Variants in ADCY2 observed in about 807,000 individuals in gnomAD.
The protein encoded by ADCY2 is adenylate cyclase type 2.
A neutral mutation model predicts 125.2 loss-of-function variants in ADCY2; 31 were observed. The ratio of observed to expected loss-of-function variants is 0.25; its 90% CI spans 0.19 to 0.33. The LOEUF is 0.33. ADCY2 is among the 10% of genes least tolerant of loss of function. The pLI, the probability that ADCY2 is intolerant of heterozygous loss-of-function variation, is 1.00. For missense variants in ADCY2, 904 were observed against 1,418.2 expected, an observed-to-expected ratio of 0.64 and a Z score of 5.82; for synonymous variants, 512 against 548.4, an observed-to-expected ratio of 0.93 and a Z score of 0.93.
At chr5:7,539,926 C>T (rs1455434483) in intron 3 of ADCY2, among the ~76,000 whole-genome samples, 9 of 152,220 alleles carry the variant, frequency 5.9e-5, no homozygotes, top group Non-Finnish European at 1.2e-4. Flanking sequence ...GTCCTTGACT[C>T]TCTGCTGTTA....
At chr5:7,551,279 C>G (rs1218657494) in intron 3 of ADCY2, among the ~76,000 whole-genome samples, 1 of 152,102 alleles carries the variant, frequency 6.6e-6, no homozygotes, top group Non-Finnish European at 1.5e-5. Flanking sequence ...ATTCTGAGTT[C>G]ATGACAGTTA....
intron 3 of ADCY2, among the ~76,000 whole-genome samples, chr5:7,616,105 G>C (rs949214116): frequency 1.3e-5 from 2 of 152,056 alleles, no homozygotes; most frequent in Admixed American, 6.6e-5. Flanking sequence ...ATTTCGTTTA[G>C]TCTAGTAACA....
chr5:7,699,070 C>CAACAGTAA (rs200448617), intron 7 of ADCY2, among the ~76,000 whole-genome samples: 27,858 of 111,914 alleles, frequency 0.25, 4,612 homozygotes, highest in East Asian at 0.77. Context: ...AGTCAGGAAA[C>CAACAGTAA]AACAGTAAGC....
At chr5:7,581,384 A>G (rs1471282192) in intron 3 of ADCY2, among the ~76,000 whole-genome samples, 1 of 152,206 alleles carries the variant, frequency 6.6e-6, no homozygotes, top group Non-Finnish European at 1.5e-5. Flanking sequence ...GGATTCTCAT[A>G]TTAGGTGTAC....
chr5:7,535,649 A>G (rs1022673105), intron 3 of ADCY2, among the ~76,000 whole-genome samples: 5 of 152,172 alleles, frequency 3.3e-5, no homozygotes, highest in Admixed American at 3.3e-4. Context: ...AGATCCATAC[A>G]TGGATTTACA....
At chr5:7,543,569 G>A (rs904324338) in intron 3 of ADCY2, among the ~76,000 whole-genome samples, 3 of 152,112 alleles carry the variant, frequency 2.0e-5, no homozygotes, top group Non-Finnish European at 4.4e-5. Context: ...ATGTGAAACC[G>A]ATGAAGGTTT....
In ADCY2 at chr5:7,520,801, G is replaced by A. The variant is rs769674129; in HGVS notation, c.472G>A (p.Ala158Thr). The A allele has an allele frequency of 3.0e-5, 48 of 1,614,000 alleles. No individual in the cohort carries two copies. The highest frequency in any genetic ancestry group is 2.2e-5 in the Non-Finnish European group (26 of 1,180,028). Residue 158 changes from alanine to threonine, a missense_variant, in exon 3 of 25, where the codon GCC (alanine) becomes ACC (threonine). Coordinates refer to ENST00000338316, the MANE Select transcript of ADCY2 (RefSeq NM_020546.3). ...CATGCTGCCCTTCAACATGCGAGAC[G>A]CCATCATTGCCAGCGTCCTCACCTC... ...YTMLPFNMRD[A>T]IIASVLTSSS...
chr5:7,593,627 A>G (rs1736916342), intron 3 of ADCY2, among the ~76,000 whole-genome samples: 1 of 152,246 alleles, frequency 6.6e-6, no homozygotes, highest in African/African-American at 2.4e-5. Context: ...TGTCCTTGTT[A>G]TGGAATACTG....
intron 3 of ADCY2, among the ~76,000 whole-genome samples, chr5:7,534,798 G>T (rs1165948320): frequency 6.6e-6 from 1 of 152,230 alleles, no homozygotes; most frequent in Non-Finnish European, 1.5e-5. Context: ...GGACTTAAGT[G>T]GCCAGTGGTA....
At chr5:7,826,374 A>G (rs1235499530) in intron 24 of ADCY2, among the ~76,000 whole-genome samples, 4 of 152,048 alleles carry the variant, frequency 2.6e-5, no homozygotes, top group African/African-American at 9.7e-5. Flanking sequence ...ACATAACATC[A>G]TGTGGTTGAA....
intron 14 of ADCY2, among the ~76,000 whole-genome samples, chr5:7,733,267 G>C (rs114073061): frequency 2.0e-5 from 3 of 152,142 alleles, no homozygotes; most frequent in African/African-American, 4.8e-5. Context: ...CAGATCTCTA[G>C]TATCAGTTTC....
At chr5:7,538,866 T>C (rs1364020184) in intron 3 of ADCY2, among the ~76,000 whole-genome samples, 1 of 53,404 alleles carries the variant, frequency 1.9e-5, no homozygotes, top group Non-Finnish European at 4.0e-5. Context: ...TTTTCTTTTC[T>C]TTTTTTTTTT....
intron 18 of ADCY2, among the ~76,000 whole-genome samples, chr5:7,774,178 A>G (rs1272760856): frequency 6.6e-6 from 1 of 152,224 alleles, no homozygotes; most frequent in Non-Finnish European, 1.5e-5. Flanking sequence ...TTTCTTACCA[A>G]TAAGAACCTT....
chr5:7,537,776 G>GCC (rs1466894978), intron 3 of ADCY2, among the ~76,000 whole-genome samples: 1 of 152,204 alleles, frequency 6.6e-6, no homozygotes, highest in Non-Finnish European at 1.5e-5. Context: ...GTAGGACATG[G>GCC]CCCTGCAGCC....
chr5:7,491,070 GC>G (rs1202766521), intron 2 of ADCY2, among the ~76,000 whole-genome samples: 1 of 152,098 alleles, frequency 6.6e-6, no homozygotes, highest in East Asian at 1.9e-4. Flanking sequence ...ATGTTACATG[GC>G]CATCCAAGAG....
At chr5:7,603,251 C>T (rs1014474189) in intron 3 of ADCY2, among the ~76,000 whole-genome samples, 2 of 152,130 alleles carry the variant, frequency 1.3e-5, no homozygotes, top group South Asian at 2.1e-4. Flanking sequence ...GGATGTTCAG[C>T]GTCTGTAGTG....
chr5:7,554,028 T>A (rs1006445308), intron 3 of ADCY2, among the ~76,000 whole-genome samples: 1 of 152,134 alleles, frequency 6.6e-6, no homozygotes, highest in Non-Finnish European at 1.5e-5. Flanking sequence ...TTAGAAGTTA[T>A]ACAAGTGAAA....
rs145087718 is a variant in ADCY2, at chr5:7,682,244, T to TAGAG, written c.721-8446_721-8443dup. 3.1e-3 allele frequency among the ~76,000 whole-genome samples: 467 copies of TAGAG among 152,304 alleles called. 9 individuals carry two copies. In the East Asian group the frequency reaches 0.047, roughly 15 times the overall value. ...TAAGAGCACACTGTCTGCATGCAAG[T>TAGAG]AGAGCAGTTCTAAAATCGCCTGGGA... is the stretch of plus-strand genomic sequence containing the variant. On this transcript the variant is annotated intron_variant, in intron 4 of 24. Transcript: ENST00000338316.
chr5:7,408,306 C>T (rs567189690), intron 1 of ADCY2, among the ~76,000 whole-genome samples: 5 of 152,246 alleles, frequency 3.3e-5, no homozygotes, highest in Admixed American at 1.3e-4. Context: ...ACTGTTACCA[C>T]GCACCACAAA....
Sources: allele counts gnomAD v4.1 joint callset (sites outside exome capture counted in the v4.1 genomes callset), GRCh38; gene constraint gnomAD v4.1.1; transcripts MANE v1.5; gene names NCBI Gene and HGNC (gene_info 2026-07-23, HGNC 2026-07-21).